Variants in TTLL5 observed in about 807,000 individuals in gnomAD.
TTLL5 encodes the protein tubulin tyrosine ligase like 5.
In TTLL5, 132 loss-of-function variants were observed where a neutral mutation model predicts 168.4. The ratio of observed to expected loss-of-function variants is 0.78; its 90% CI spans 0.68 to 0.91. The LOEUF (loss-of-function observed/expected upper bound fraction) is 0.91, where lower values mean the gene tolerates loss of function less well. TTLL5 is among the 40% of genes least tolerant of loss of function. The pLI, the probability that TTLL5 is intolerant of heterozygous loss-of-function variation, is 0.00. For synonymous variants in TTLL5, 546 were observed against 558.6 expected (o/e 0.98, Z 0.32); for missense variants, 1,545 against 1,581.5 (o/e 0.98, Z 0.39).
intron 28 of TTLL5, among the ~76,000 whole-genome samples, chr14:75,852,417 C>T (rs1896907937): frequency 6.6e-6 from 1 of 152,164 alleles, no homozygotes; most frequent in South Asian, 2.1e-4. Flanking sequence ...AGTCCTTTCA[C>T]CCTGTTCTCA....
At chr14:75,700,296 A>G (rs758529276) in intron 7 of TTLL5, among the ~76,000 whole-genome samples, 2 of 152,206 alleles carry the variant, frequency 1.3e-5, no homozygotes, top group Non-Finnish European at 2.9e-5. Context: ...AGCAGATGCC[A>G]GGGAAAGGCA....
At chr14:75,885,952 A>T (rs151003225) in intron 30 of TTLL5, among the ~76,000 whole-genome samples, 252 of 152,300 alleles carry the variant, frequency 1.7e-3, no homozygotes, top group Middle Eastern at 3.4e-3. Flanking sequence ...TCTTCCTACA[A>T]GATGTGTTGC....
intron 29 of TTLL5, 63 bp from the exon 30 acceptor site, chr14:75,882,622 C>T: frequency 7.0e-7 from 1 of 1,434,408 alleles, no homozygotes; most frequent in Non-Finnish European, 9.6e-7. Context: ...AGACTAGTTA[C>T]ATACAGTAAA....
At chr14:75,706,346 G>A (rs998028936) in intron 7 of TTLL5, among the ~76,000 whole-genome samples, 3 of 152,196 alleles carry the variant, frequency 2.0e-5, no homozygotes, top group Non-Finnish European at 4.4e-5. Context: ...TCTTAAATCT[G>A]CCAGGCAGAG....
Position 75,834,924 on chromosome 14 carries a change from C to T in TTLL5, c.3326+14763C>T, listed in dbSNP as rs372346341. Among the ~76,000 whole-genome samples the T allele has an allele frequency of 4.1e-4, 62 of 152,074 alleles. 1 individual carries two copies. In the South Asian group the frequency reaches 8.9e-3, roughly 22 times the overall value. On this transcript the variant is annotated intron_variant, in intron 28 of 31. Transcript: ENST00000298832. ...TCTACAAAAAATTTCAAATATTAGCCGGGCATGGTAGCATGTGCCTGTAGT... is the reference window on the plus strand; with the variant it reads ...TCTACAAAAAATTTCAAATATTAGCTGGGCATGGTAGCATGTGCCTGTAGT...
Position 75,745,595 on chromosome 14 carries a change from C to CTT in TTLL5, c.1487+23_1487+24dup. ...GGAAATATATGGGTGAGGTGACTACCTTTTTTTTTTATTCTTTACCTGAGG... is the reference window on the plus strand; with the variant it reads ...GGAAATATATGGGTGAGGTGACTACCTTTTTTTTTTTTATTCTTTACCTGAGG... On this transcript the variant is annotated intron_variant, in intron 17 of 31. Coordinates refer to ENST00000298832, the MANE Select transcript of TTLL5 (RefSeq NM_015072.5). 3.5e-6 allele frequency: 5 copies of CTT among 1,441,564 alleles called. No individual in the cohort carries two copies. The highest frequency in any genetic ancestry group is 4.7e-6 in the Non-Finnish European group (5 of 1,058,204). The allele number at this position is 1,441,564 out of a possible 1,614,324, so 89.3% of individuals were successfully genotyped here. A position where few individuals can be genotyped will look rare whatever the true frequency, so the allele number is the denominator to read the frequency against.
intron 12 of TTLL5, among the ~76,000 whole-genome samples, chr14:75,726,449 G>A (rs1458990842): frequency 6.6e-6 from 1 of 151,954 alleles, no homozygotes; most frequent in Non-Finnish European, 1.5e-5. Context: ...TTTCCTATGT[G>A]CTAGTTATGG....
chr14:75,906,660 A>T (rs2033157948), intron 31 of TTLL5: 1 of 985,914 alleles, frequency 1.0e-6, no homozygotes, highest in Non-Finnish European at 1.2e-6. Context: ...AAGTCGGTGA[A>T]GTCAGGGCCA....
intron 12 of TTLL5, among the ~76,000 whole-genome samples, chr14:75,724,587 A>G (rs1432585610): frequency 6.6e-6 from 1 of 152,212 alleles, no homozygotes; most frequent in African/African-American, 2.4e-5. Flanking sequence ...ACCCTGAGAA[A>G]TGAACTCTAT....
chr14:75,676,652 T>C (rs1184086), intron 3 of TTLL5, among the ~76,000 whole-genome samples: 47,845 of 152,158 alleles, frequency 0.31, 9,388 homozygotes, highest in East Asian at 0.56. Context: ...AGAAGTGGCT[T>C]GTCACTGCTT....
chr14:75,906,923 T>C (rs1209110321), intron 31 of TTLL5, among the ~76,000 whole-genome samples: 3 of 152,318 alleles, frequency 2.0e-5, no homozygotes, highest in South Asian at 2.1e-4. Flanking sequence ...CTACTATTAC[T>C]AGAGGCTTTT....
In TTLL5 at chr14:75,882,810, A is replaced by T; in HGVS notation, c.3648A>T (p.Val1216=). ...QKPTTLPQKV[V]PPPSSCASLV... is the part of the protein sequence containing the mutation. ...CAACCACTCTGCCACAAAAAGTGGT[A>T]CCACCTCCAAGTTCTTGCGCCTCCC... is the stretch of plus-strand genomic sequence containing the variant. Residue 1216 remains valine, a synonymous_variant, in exon 30 of 32, where the codon GTA becomes GTT. Transcript: ENST00000298832. 6.2e-7 allele frequency: 1 copy of T among 1,614,130 alleles called. No individual in the cohort carries two copies. Among genetic ancestry groups the T allele is most frequent in the Non-Finnish European group, 8.5e-7 (1 of 1,180,012 alleles).
At chr14:75,694,626 G>A (rs1018774877) in intron 6 of TTLL5, among the ~76,000 whole-genome samples, 5 of 152,176 alleles carry the variant, frequency 3.3e-5, no homozygotes, top group Non-Finnish European at 7.3e-5. Context: ...AAGCCACTGC[G>A]CCCAGCCAGA....
intron 27 of TTLL5, among the ~76,000 whole-genome samples, chr14:75,793,760 C>T (rs1892850082): frequency 6.6e-6 from 1 of 152,162 alleles, no homozygotes; most frequent in Admixed American, 6.5e-5. Flanking sequence ...TTTGTGAATT[C>T]TCTTTGTCCT....
chr14:75,680,615 A>ATTTTTT (rs35254410), intron 3 of TTLL5, among the ~76,000 whole-genome samples: 23 of 101,996 alleles, frequency 2.3e-4, no homozygotes, highest in African/African-American at 6.1e-4. Flanking sequence ...TAGAGCAGGG[A>ATTTTTT]TTTTTTTTTT....
chr14:75,699,261 G>A lies in TTLL5; in HGVS notation c.576G>A (p.Leu192=). 6.2e-7 allele frequency: 1 copy of A among 1,613,850 alleles called. No individual in the cohort carries two copies. The highest frequency in any genetic ancestry group is 1.1e-5 in the South Asian group (1 of 91,052). ...CTTCAAGGGGGCGGGGCGTCTACCTGATCAACAATGTAAGTATGCAGCAGA... is the reference window on the plus strand; with the variant it reads ...CTTCAAGGGGGCGGGGCGTCTACCTAATCAACAATGTAAGTATGCAGCAGA... ...VASSRGRGVY[L]INNPNQISLE... is the part of the protein sequence containing the mutation. The change falls in exon 7 of 32, where the codon CTG becomes CTA. Residue 192 remains leucine, a synonymous_variant. Transcript: ENST00000298832.
intron 29 of TTLL5, among the ~76,000 whole-genome samples, chr14:75,875,724 T>G (rs978585741): frequency 6.6e-6 from 1 of 152,204 alleles, no homozygotes; most frequent in African/African-American, 2.4e-5. Flanking sequence ...GGAAAAATGC[T>G]CAGAATAGGT....
intron 28 of TTLL5, among the ~76,000 whole-genome samples, chr14:75,820,380 A>G (rs1894756036): frequency 6.6e-6 from 1 of 152,234 alleles, no homozygotes; most frequent in Admixed American, 6.5e-5. Context: ...TGAGATAGTT[A>G]AGAAAATCAC....
Position 75,775,486 on chromosome 14 carries a change from G to A in TTLL5, c.2139G>A (p.Glu713=), listed in dbSNP as rs764318250. 1.9e-6 allele frequency: 3 copies of A among 1,613,122 alleles called. No individual in the cohort carries two copies. The highest frequency in any genetic ancestry group is 1.7e-6 in the Non-Finnish European group (2 of 1,179,626). ...SWAAKEDEQM[E]LVVRFLKRAS... The stretch of plus-strand genomic sequence containing the variant: ...TCCCACGACTCTTTAATTTATAGGA[G>A]CTGGTTGTTCGTTTCCTCAAGCGAG... Residue 713 remains glutamate (E), a splice_region_variant and synonymous_variant, in exon 22 of 32, where the codon GAG becomes GAA. Coordinates refer to ENST00000298832, the MANE Select transcript of TTLL5 (RefSeq NM_015072.5).
Sources: allele counts gnomAD v4.1 joint callset (sites outside exome capture counted in the v4.1 genomes callset), GRCh38; gene constraint gnomAD v4.1.1; transcripts MANE v1.5; gene names NCBI Gene and HGNC (gene_info 2026-07-23, HGNC 2026-07-21).